The following BPTF variants were observed in gnomAD, a reference collection of about 807,000 sequenced individuals.
The protein encoded by BPTF is bromodomain PHD finger transcription factor.
BPTF carries 18 observed loss-of-function variants against 292.5 expected under a neutral mutation model. That is an observed-to-expected ratio of 0.06 (90% CI 0.04 to 0.09). BPTF has a LOEUF of 0.09. Ranked by LOEUF, BPTF falls within the 10% of genes least tolerant of loss-of-function variation. BPTF has a pLI of 1.00. For missense variants in BPTF, 2,726 were observed against 3,498.7 expected (o/e 0.78, Z 5.57); for synonymous variants, 1,225 against 1,251.9 (o/e 0.98, Z 0.45).
intron 17 of BPTF, among the ~76,000 whole-genome samples, chr17:67,930,386 A>G (rs1474033450): frequency 6.6e-6 from 1 of 151,490 alleles, no homozygotes; most frequent in Non-Finnish European, 1.5e-5. Context: ...TTTAGTAGAG[A>G]TGGGGTTTTA....
chr17:67,845,458 G>A (rs941816025), intron 1 of BPTF, among the ~76,000 whole-genome samples: 2 of 152,064 alleles, frequency 1.3e-5, no homozygotes, highest in Admixed American at 6.6e-5. Flanking sequence ...GAGTGGCCTC[G>A]AGTTCTTTTA....
At chr17:67,890,475 T>C (rs1458788578) in intron 4 of BPTF, among the ~76,000 whole-genome samples, 1 of 152,174 alleles carries the variant, frequency 6.6e-6, no homozygotes, top group Non-Finnish European at 1.5e-5. Flanking sequence ...CCCTTCTCCA[T>C]CTCTGGATTT....
chr17:67,838,419 G>C (rs2057298491), intron 1 of BPTF, among the ~76,000 whole-genome samples: 1 of 152,108 alleles, frequency 6.6e-6, no homozygotes, highest in Admixed American at 6.5e-5. Context: ...AGAAAACCCA[G>C]AACATTAATA....
Position 67,911,810 on chromosome 17 carries a change from A to C in BPTF, c.3926A>C (p.Gln1309Pro), listed in dbSNP as rs1367302256. 6.2e-7 allele frequency: 1 copy of C among 1,614,230 alleles called. No homozygotes were observed. The highest frequency in any genetic ancestry group is 1.1e-5 in the South Asian group (1 of 91,084). Residue 1309 changes from glutamine (Q) to proline (P), a missense_variant, in exon 11 of 28, where the codon CAG (glutamine) becomes CCG (proline). Transcript: ENST00000306378. ...AGCAGTGAAGAAGATATGATTGTTC[A>C]GAATAGCAATGAAAGCATTTCTGAA... ...QDSSEEDMIVQNSNESISEQF... is the reference protein window; with the variant it reads ...QDSSEEDMIVPNSNESISEQF...
chr17:67,875,485 T>C, intron 4 of BPTF: 1 of 1,237,810 alleles, frequency 8.1e-7, no homozygotes, highest in Non-Finnish European at 1.1e-6. Flanking sequence ...AGTAGTTGAC[T>C]GAATGTGGCC....
At chr17:67,943,939 A>G (rs1337684580) in intron 19 of BPTF, among the ~76,000 whole-genome samples, 1 of 152,076 alleles carries the variant, frequency 6.6e-6, no homozygotes, top group Non-Finnish European at 1.5e-5. Flanking sequence ...CCATTGGGGG[A>G]GCTTGAACTG....
intron 1 of BPTF, among the ~76,000 whole-genome samples, chr17:67,842,556 A>T (rs192041611): frequency 1.3e-5 from 2 of 152,342 alleles, no homozygotes; most frequent in East Asian, 3.9e-4. Context: ...TGTAGGAAAT[A>T]AAAAGAAAGG....
chr17:67,830,931 A>G (rs1375661395), intron 1 of BPTF, among the ~76,000 whole-genome samples: 1 of 152,222 alleles, frequency 6.6e-6, no homozygotes, highest in Non-Finnish European at 1.5e-5. Context: ...AAACAGAACC[A>G]TATCAAATCA....
intron 24 of BPTF, chr17:67,963,652 T>C (rs1291001769): frequency 2.9e-5 from 29 of 994,524 alleles, no homozygotes; most frequent in Non-Finnish European, 3.7e-5. Context: ...TTTTTCTCTT[T>C]TTCCCTTTTT....
chr17:67,903,649 C>T, intron 7 of BPTF, 140 bp from the exon 8 acceptor site: 1 of 680,502 alleles, frequency 1.5e-6, no homozygotes, highest in Non-Finnish European at 2.2e-6. Context: ...ACAACTACAA[C>T]TAAGTTTTGT....
chr17:67,826,404 C>T (rs1236835598), intron 1 of BPTF, 67 bp downstream of exon 1: 3 of 1,491,222 alleles, frequency 2.0e-6, no homozygotes, highest in South Asian at 1.3e-5. Flanking sequence ...CTTGCTCACT[C>T]GTGTGCTGTG....
intron 15 of BPTF, among the ~76,000 whole-genome samples, chr17:67,926,590 C>T (rs2063925677): frequency 6.6e-6 from 1 of 152,124 alleles, no homozygotes; most frequent in South Asian, 2.1e-4. Flanking sequence ...TCCCAAAGTG[C>T]TGGGATTACA....
chr17:67,973,762 C>G (rs1172555017), intron 26 of BPTF, among the ~76,000 whole-genome samples: 1 of 152,032 alleles, frequency 6.6e-6, no homozygotes, highest in East Asian at 1.9e-4. Context: ...CCACCTCGGC[C>G]TCCCAAACTG....
intron 1 of BPTF, among the ~76,000 whole-genome samples, chr17:67,839,102 C>G (rs142929496): frequency 4.0e-4 from 60 of 151,820 alleles, no homozygotes; most frequent in Admixed American, 9.8e-4. Flanking sequence ...TTACATTGCC[C>G]TCTACCATTG....
chr17:67,906,965 G>A (rs373292551), intron 9 of BPTF, among the ~76,000 whole-genome samples: 17 of 152,080 alleles, frequency 1.1e-4, no homozygotes, highest in South Asian at 2.1e-4. Flanking sequence ...GGGAGGATCA[G>A]TTGAGCCCAG....
At chr17:67,964,779 T>C (rs1430171880) in intron 25 of BPTF, among the ~76,000 whole-genome samples, 2 of 151,590 alleles carry the variant, frequency 1.3e-5, no homozygotes, top group Non-Finnish European at 2.9e-5. Context: ...GGTGGGCGGA[T>C]CACAAGGTCA....
At position 67,959,666 on chromosome 17, in the gene BPTF, A is replaced by AGCCCCTCCAGCCCCTCCC. The variant is rs1555682826; in HGVS notation, c.8052_8053insGCCCCTCCAGCCCCTCCC (p.Ala2679_Pro2684dup). ...CTCCTCCAGCCCCTCCAGCCCCTCC[A>AGCCCCTCCAGCCCCTCCC]CCTTCACCTCCCCCTCCACCTGCTG... On this transcript the variant is annotated inframe_insertion, in exon 24 of 28. Coordinates refer to ENST00000306378, the MANE Select transcript of BPTF (RefSeq NM_182641.4). 3 of 1,534,420 alleles carry AGCCCCTCCAGCCCCTCCC rather than the reference A, an allele frequency of 2.0e-6. No individual in the cohort carries two copies. Among genetic ancestry groups the AGCCCCTCCAGCCCCTCCC allele is most frequent in the Non-Finnish European group, 2.6e-6 (3 of 1,140,868 alleles).
chr17:67,866,309 A>G (rs79902495), intron 2 of BPTF, among the ~76,000 whole-genome samples, 155 bp from the exon 3 acceptor site: 3,593 of 152,124 alleles, frequency 0.024, 132 homozygotes, highest in African/African-American at 0.081. Flanking sequence ...CTCAGAGTAA[A>G]TCAAGTTTGA....
Position 67,912,796 on chromosome 17 carries a change from C to T in BPTF, c.4912C>T (p.Pro1638Ser). 1 of 1,614,148 alleles carries T rather than the reference C, an allele frequency of 6.2e-7. No homozygotes were observed. The highest frequency in any genetic ancestry group is 8.5e-7 in the Non-Finnish European group (1 of 1,180,014). The change falls in exon 11 of 28, where the codon CCC becomes TCC. Residue 1638 changes from proline to serine, a missense_variant. Transcript: ENST00000306378. Reference sequence around the variant, plus strand: ...TACAACAGTGACCAAGCTTTCCACACCCTCCACAGGCGGCAGTGTGGACAT... The same window carrying T: ...TACAACAGTGACCAAGCTTTCCACATCCTCCACAGGCGGCAGTGTGGACAT... ...TTTTVTKLST[P>S]STGGSVDIIS... is the part of the protein sequence containing the mutation.
Sources: gnomAD v4.1 joint callset for allele counts (sites outside exome capture counted in the v4.1 genomes callset) on GRCh38, gnomAD v4.1.1 for gene constraint, MANE v1.5 for transcripts, NCBI Gene and HGNC (gene_info 2026-07-23, HGNC 2026-07-21) for gene names.